Variants in ARMC2 observed in about 807,000 individuals in gnomAD.
ARMC2 encodes armadillo repeat-containing protein 2.
ARMC2 carries 67 observed loss-of-function variants against 90.3 expected under a neutral mutation model. The observed-to-expected ratio is 0.74, with a 90% CI of 0.61 to 0.91. The LOEUF is 0.91. Ranked by LOEUF, ARMC2 falls within the 40% of genes least tolerant of loss-of-function variation. The pLI is 0.00. For missense variants in ARMC2, 920 were observed against 1,030.9 expected (o/e 0.89, Z 1.47); for synonymous variants, 393 against 393.0 (o/e 1.00, Z 0.00).
intron 5 of ARMC2, chr6:108,880,272 G>T (rs1350499876): frequency 8.2e-6 from 2 of 243,540 alleles, no homozygotes; most frequent in Non-Finnish European, 1.6e-5. Flanking sequence ...AGAAGGGTTA[G>T]CCCTGTCTTC....
chr6:109,038,032 A>G, the ARMC2 span, among the ~76,000 whole-genome samples: 1 of 152,236 alleles, frequency 6.6e-6, no homozygotes, highest in Non-Finnish European at 1.5e-5. Context: ...TCATGTCTAT[A>G]TGAGTATTCT....
At chr6:109,043,131 A>G in the ARMC2 span, among the ~76,000 whole-genome samples, 2 of 152,160 alleles carry the variant, frequency 1.3e-5, no homozygotes, top group Non-Finnish European at 2.9e-5. Context: ...CATTTGAGTA[A>G]ATTTAACACT....
intron 4 of ARMC2, among the ~76,000 whole-genome samples, chr6:108,871,459 C>T (rs1776407432): frequency 6.6e-6 from 1 of 152,028 alleles, no homozygotes; most frequent in Non-Finnish European, 1.5e-5. Context: ...AAGGGTTTGC[C>T]AAGATGAGAG....
At chr6:108,955,517 A>G (rs1194365724) in intron 13 of ARMC2, among the ~76,000 whole-genome samples, 1 of 152,162 alleles carries the variant, frequency 6.6e-6, no homozygotes, top group East Asian at 1.9e-4. Flanking sequence ...CAGGTCACAA[A>G]GTTAGCAAGT....
At chr6:108,971,423 C>T (rs1250992891) in intron 17 of ARMC2, among the ~76,000 whole-genome samples, 1 of 152,122 alleles carries the variant, frequency 6.6e-6, no homozygotes, top group African/African-American at 2.4e-5. Flanking sequence ...GAGCTTATCT[C>T]AGAACTGCAT....
At chr6:108,939,567 C>T (rs572284823) in intron 12 of ARMC2, among the ~76,000 whole-genome samples, 7 of 152,266 alleles carry the variant, frequency 4.6e-5, no homozygotes, top group African/African-American at 1.7e-4. Flanking sequence ...GAGGCCTCCC[C>T]AGAAGCTGAG....
chr6:108,960,755 G>A (rs948079468), intron 13 of ARMC2, among the ~76,000 whole-genome samples: 4 of 152,220 alleles, frequency 2.6e-5, no homozygotes, highest in African/African-American at 7.2e-5. Context: ...AGTGAGCCAA[G>A]TGACTAACTG....
intron 12 of ARMC2, among the ~76,000 whole-genome samples, chr6:108,951,933 G>T (rs1777214215): frequency 6.6e-6 from 1 of 152,370 alleles, no homozygotes; most frequent in African/African-American, 2.4e-5. Context: ...ACGACACCCT[G>T]TGTGGGAAGC....
chr6:108,927,139 T>C (rs1775168848), intron 10 of ARMC2, among the ~76,000 whole-genome samples: 3 of 152,186 alleles, frequency 2.0e-5, no homozygotes, highest in South Asian at 2.1e-4. Flanking sequence ...TTCCATTTGC[T>C]ACACACAACC....
the ARMC2 span, among the ~76,000 whole-genome samples, chr6:108,989,295 G>A: frequency 6.6e-6 from 1 of 152,106 alleles, no homozygotes. Context: ...GAGCCACCGC[G>A]CCTGGCTGAA....
the ARMC2 span, among the ~76,000 whole-genome samples, chr6:109,027,239 G>A: frequency 2.6e-5 from 4 of 152,048 alleles, no homozygotes; most frequent in South Asian, 2.1e-4. Context: ...TTGGGTGGCC[G>A]AGGTGGGCAG....
chr6:108,955,738 T>C (rs1047413291), intron 13 of ARMC2, among the ~76,000 whole-genome samples: 18 of 152,344 alleles, frequency 1.2e-4, no homozygotes, highest in Non-Finnish European at 2.6e-4. Context: ...TGCACGTAGC[T>C]GTGAGAGAAA....
intron 8 of ARMC2, among the ~76,000 whole-genome samples, chr6:108,908,358 TG>T (rs1203433650): frequency 6.6e-6 from 1 of 152,198 alleles, no homozygotes; most frequent in East Asian, 1.9e-4. Flanking sequence ...GGGCTGACCA[TG>T]GCCGTTTTGG....
intron 4 of ARMC2, among the ~76,000 whole-genome samples, chr6:108,875,032 A>G (rs1176444139): frequency 1.3e-5 from 2 of 152,176 alleles, no homozygotes; most frequent in Non-Finnish European, 2.9e-5. Context: ...CTTGCAAAAC[A>G]GTAAGTATTT....
intron 12 of ARMC2, among the ~76,000 whole-genome samples, chr6:108,945,671 A>G (rs1458080551): frequency 6.6e-6 from 1 of 152,248 alleles, no homozygotes; most frequent in Non-Finnish European, 1.5e-5. Flanking sequence ...TCAGCCATGT[A>G]TGCACAGTGA....
At chr6:108,963,835 TGGAGGTTTAG>T (rs1019839188) in intron 15 of ARMC2, among the ~76,000 whole-genome samples, 20 of 152,362 alleles carry the variant, frequency 1.3e-4, no homozygotes, top group African/African-American at 4.8e-4. Flanking sequence ...CAGTTGCTGC[TGGAGGTTTAG>T]GAACACCCTT....
chr6:108,899,240 C>G (rs1771893043), intron 6 of ARMC2, among the ~76,000 whole-genome samples: 1 of 152,066 alleles, frequency 6.6e-6, no homozygotes, highest in Admixed American at 6.6e-5. Flanking sequence ...TGCTACTGGC[C>G]CCATGTTAGT....
chr6:109,002,153 T>A, the ARMC2 span: 1 of 733,808 alleles, frequency 1.4e-6, no homozygotes, highest in South Asian at 1.8e-5. Context: ...AAAGAATGAT[T>A]AACTGCAACC....
intron 9 of ARMC2, among the ~76,000 whole-genome samples, 198 bp from the exon 10 acceptor site, chr6:108,912,137 G>A (rs1169706441): frequency 6.6e-6 from 1 of 152,128 alleles, no homozygotes; most frequent in Non-Finnish European, 1.5e-5. Flanking sequence ...TCCTTCTGCT[G>A]AAATTACTAT....
Sources: gnomAD v4.1 joint callset for allele counts (sites outside exome capture counted in the v4.1 genomes callset) on GRCh38, gnomAD v4.1.1 for gene constraint, MANE v1.5 for transcripts, NCBI Gene and HGNC (gene_info 2026-07-23, HGNC 2026-07-21) for gene names.